The following CSMD1 variants were observed in gnomAD, a reference collection of about 807,000 sequenced individuals.
The protein encoded by CSMD1 is CUB and sushi domain-containing protein 1.
Under a neutral mutation model 417.5 loss-of-function variants are expected in CSMD1, and 213 were observed. That is an observed-to-expected ratio of 0.51 (90% CI 0.46 to 0.57). The LOEUF (loss-of-function observed/expected upper bound fraction) is 0.57, where lower values mean the gene tolerates loss of function less well. CSMD1 is among the 20% of genes least tolerant of loss of function. CSMD1 has a pLI of 0.00. For missense variants in CSMD1, 6,923 were observed against 4,529.7 expected (o/e 1.53, Z -15.17); for synonymous variants, 2,862 against 1,736.8 (o/e 1.65, Z -16.11).
intron 5 of CSMD1, among the ~76,000 whole-genome samples, chr8:3,775,308 G>A (rs994567469): frequency 6.6e-6 from 1 of 152,206 alleles, no homozygotes; most frequent in African/African-American, 2.4e-5. Flanking sequence ...GATGAATCCA[G>A]GAGTGAAGTT....
chr8:4,028,260 C>T (rs1218840658), intron 4 of CSMD1, among the ~76,000 whole-genome samples: 2 of 152,114 alleles, frequency 1.3e-5, no homozygotes, highest in African/African-American at 4.8e-5. Flanking sequence ...TCTATTAGCA[C>T]AAATACCTTG....
rs191481933 is a variant in CSMD1 at position 4,545,603 on chromosome 8, G to C, written c.302+91739C>G. 2.0e-3 allele frequency among the ~76,000 whole-genome samples: 311 copies of C among 152,264 alleles called. 1 individual carries two copies. Among genetic ancestry groups the C allele is most frequent in the African/African-American group, 6.7e-3 (280 of 41,566 alleles). ...CAGTGATACTGGCAACAGAAGCCCT[G>C]GCTAGAGAAAAAGTGGTTGGCTGGT... On this transcript the variant is annotated intron_variant, in intron 2 of 69. Transcript: ENST00000635120.
chr8:3,450,501 C>T (rs1448921598), intron 12 of CSMD1, among the ~76,000 whole-genome samples: 1 of 151,490 alleles, frequency 6.6e-6, no homozygotes, highest in Non-Finnish European at 1.5e-5. Flanking sequence ...GTGATGTTCC[C>T]CTTCCTGTGT....
chr8:3,555,121 G>A (rs1426568486), intron 10 of CSMD1, among the ~76,000 whole-genome samples: 1 of 152,040 alleles, frequency 6.6e-6, no homozygotes, highest in African/African-American at 2.4e-5. Flanking sequence ...ACCCTGGCAG[G>A]CGCTATTAAA....
rs187463932 is a variant in CSMD1, at chr8:4,519,046, T to G, written c.303-98981A>C. The stretch of plus-strand genomic sequence containing the variant: ...CCAAACACTCCTTATGGCTAGTTTT[T>G]TCACATCTTTTAGAACAAGAGTCCA... On this transcript the variant is annotated intron_variant, in intron 2 of 69. Coordinates refer to ENST00000635120, the MANE Select transcript of CSMD1 (RefSeq NM_033225.6). Among the ~76,000 whole-genome samples, 57 of 152,314 alleles carry G rather than the reference T, an allele frequency of 3.7e-4. 1 individual carries two copies. The East Asian group carries it at 0.011, about 28-fold the overall frequency.
At chr8:3,053,312 T>C (rs1166313909) in intron 49 of CSMD1, among the ~76,000 whole-genome samples, 2 of 152,142 alleles carry the variant, frequency 1.3e-5, no homozygotes, top group African/African-American at 4.8e-5. Context: ...CATCTCATAT[T>C]GGAAAGAAAG....
At chr8:4,085,612 C>A (rs1357233629) in intron 3 of CSMD1, among the ~76,000 whole-genome samples, 1 of 152,090 alleles carries the variant, frequency 6.6e-6, no homozygotes, top group African/African-American at 2.4e-5. Context: ...CTTGTGGGAA[C>A]CTCACGGGAA....
At chr8:4,447,684 CTT>C (rs1798894205) in intron 2 of CSMD1, among the ~76,000 whole-genome samples, 1 of 152,274 alleles carries the variant, frequency 6.6e-6, no homozygotes, top group African/African-American at 2.4e-5. Flanking sequence ...CCTGTGACCT[CTT>C]GTTTTAGAAA....
chr8:4,490,494 A>G (rs1801646347), intron 2 of CSMD1, among the ~76,000 whole-genome samples: 1 of 152,220 alleles, frequency 6.6e-6, no homozygotes, highest in Non-Finnish European at 1.5e-5. Context: ...TAAATTACAT[A>G]TTTATTCATC....
At chr8:3,494,320 C>G (rs778356767) in intron 10 of CSMD1, among the ~76,000 whole-genome samples, 12 of 152,022 alleles carry the variant, frequency 7.9e-5, no homozygotes, top group African/African-American at 2.4e-4. Flanking sequence ...GTTTGATGTG[C>G]CAGTATATTA....
At chr8:4,391,888 G>A (rs1000461158) in intron 3 of CSMD1, among the ~76,000 whole-genome samples, 2 of 152,132 alleles carry the variant, frequency 1.3e-5, no homozygotes, top group African/African-American at 2.4e-5. Context: ...AGCTTCTGCC[G>A]AGAGCTTCTT....
chr8:3,900,079 AGTGCAGCTGTGTGATG>A (rs1259782254), intron 5 of CSMD1, among the ~76,000 whole-genome samples: 1 of 152,032 alleles, frequency 6.6e-6, no homozygotes, highest in African/African-American at 2.4e-5. Flanking sequence ...GCTGGGTGAC[AGTGCAGCTGTGTGATG>A]GTGCAGCTGG....
At chr8:3,879,049 C>G (rs1484966022) in intron 5 of CSMD1, among the ~76,000 whole-genome samples, 3 of 152,088 alleles carry the variant, frequency 2.0e-5, no homozygotes, top group Admixed American at 6.6e-5. Context: ...GGATAGTTCT[C>G]TAAGAACAGG....
At chr8:3,240,221 G>T (rs1053594221) in intron 26 of CSMD1, among the ~76,000 whole-genome samples, 2 of 152,118 alleles carry the variant, frequency 1.3e-5, no homozygotes, top group African/African-American at 4.8e-5. Flanking sequence ...TGTGGGTAAT[G>T]AAAAAGGTTG....
chr8:4,701,936 G>A (rs1037903596), intron 1 of CSMD1, among the ~76,000 whole-genome samples: 5 of 152,150 alleles, frequency 3.3e-5, no homozygotes, highest in African/African-American at 9.7e-5. Flanking sequence ...CCATAAAAAG[G>A]AATGAGATCA....
chr8:3,522,317 G>C (rs548035028), intron 10 of CSMD1, among the ~76,000 whole-genome samples: 1 of 152,130 alleles, frequency 6.6e-6, no homozygotes, highest in East Asian at 1.9e-4. Flanking sequence ...AAAGAGGAGA[G>C]GAAATTGTAA....
At chr8:4,454,826 A>G (rs528321650) in intron 2 of CSMD1, among the ~76,000 whole-genome samples, 5 of 152,290 alleles carry the variant, frequency 3.3e-5, no homozygotes, top group African/African-American at 1.2e-4. Flanking sequence ...AACCATAAGA[A>G]GAGCAAAGGT....
intron 43 of CSMD1, 145 bp from the exon 44 acceptor site, chr8:3,108,893 T>G (rs1427335899): frequency 3.7e-6 from 3 of 816,346 alleles, no homozygotes; most frequent in South Asian, 4.1e-5. Context: ...AACATCAAGA[T>G]GTTGAATGTC....
chr8:4,067,078 C>A (rs1008759827), intron 3 of CSMD1, among the ~76,000 whole-genome samples: 1 of 152,204 alleles, frequency 6.6e-6, no homozygotes, highest in African/African-American at 2.4e-5. Context: ...GAAATTCAGA[C>A]ACAGAGAAGG....
Sources: gnomAD v4.1 joint callset for allele counts (sites outside exome capture counted in the v4.1 genomes callset) on GRCh38, gnomAD v4.1.1 for gene constraint, MANE v1.5 for transcripts, NCBI Gene and HGNC (gene_info 2026-07-23, HGNC 2026-07-21) for gene names.